Variants in TCF7L2 observed in about 807,000 individuals in gnomAD.
TCF7L2 encodes the protein transcription factor 7-like 2.
A neutral mutation model predicts 77.9 loss-of-function variants in TCF7L2; 23 were observed. The ratio of observed to expected loss-of-function variants is 0.30; its 90% CI spans 0.21 to 0.42. TCF7L2 has a LOEUF of 0.42. Ranked by LOEUF, TCF7L2 falls within the 10% of genes least tolerant of loss-of-function variation. The pLI, the probability that TCF7L2 is intolerant of heterozygous loss-of-function variation, is 1.00. For missense variants in TCF7L2, 654 were observed against 793.1 expected, an observed-to-expected ratio of 0.82 and a Z score of 2.11; for synonymous variants, 413 against 340.2, an observed-to-expected ratio of 1.21 and a Z score of -2.36.
intron 5 of TCF7L2, among the ~76,000 whole-genome samples, chr10:113,140,877 G>A (rs890314836): frequency 1.3e-5 from 2 of 152,230 alleles, no homozygotes; most frequent in African/African-American, 4.8e-5. Flanking sequence ...CTCCACTTCT[G>A]ACTCACCTGC....
chr10:113,091,824 G>C (rs1460326700), intron 5 of TCF7L2, among the ~76,000 whole-genome samples: 1 of 152,220 alleles, frequency 6.6e-6, no homozygotes, highest in Non-Finnish European at 1.5e-5. Context: ...TGGAGCTGCT[G>C]TCTGTGTGTT....
intron 13 of TCF7L2, among the ~76,000 whole-genome samples, chr10:113,164,758 T>C (rs1023328186): frequency 2.0e-5 from 3 of 152,122 alleles, no homozygotes; most frequent in African/African-American, 4.8e-5. Context: ...TGGTTTCTTT[T>C]TTTTGTTTCG....
At chr10:112,955,290 ATC>A (rs778629557) in intron 3 of TCF7L2, among the ~76,000 whole-genome samples, 1 of 152,204 alleles carries the variant, frequency 6.6e-6, no homozygotes, top group Non-Finnish European at 1.5e-5. Context: ...ATTGTTTTTC[ATC>A]TCCTTCAGAA....
intron 4 of TCF7L2, among the ~76,000 whole-genome samples, chr10:112,993,005 C>T (rs2042852749): frequency 6.6e-6 from 1 of 151,930 alleles, no homozygotes; most frequent in African/African-American, 2.4e-5. Flanking sequence ...CCTCATAATC[C>T]ACCCGCCTCG....
At chr10:112,986,876 C>A (rs1413114543) in intron 4 of TCF7L2, among the ~76,000 whole-genome samples, 1 of 152,076 alleles carries the variant, frequency 6.6e-6, no homozygotes, top group Admixed American at 6.6e-5. Context: ...AATACCTGGA[C>A]CTGAACAAGT....
chr10:113,135,716 C>T (rs563869313), intron 5 of TCF7L2, among the ~76,000 whole-genome samples: 64 of 152,330 alleles, frequency 4.2e-4, no homozygotes, highest in Non-Finnish European at 7.6e-4. Flanking sequence ...CCCCTTCCAT[C>T]CCCAGTCTTC....
At chr10:112,952,926 C>T (rs1195523497) in intron 3 of TCF7L2, among the ~76,000 whole-genome samples, 1 of 151,888 alleles carries the variant, frequency 6.6e-6, no homozygotes, top group East Asian at 1.9e-4. Context: ...ACGCAAGACG[C>T]ATTTGTGCCC....
rs2137655450 is a variant in TCF7L2, at chr10:113,165,860, C to T, written c.1697C>T (p.Ala566Val). 3.1e-6 allele frequency: 5 copies of T among 1,607,164 alleles called. No homozygotes were observed. Among genetic ancestry groups the T allele is most frequent in the Non-Finnish European group, 4.3e-6 (5 of 1,175,750 alleles). ...CTGCCCCCAGCCGCTTTGCAGCCTG[C>T]CGCCCCCTCCTCATCAATTGCACAG... is the stretch of plus-strand genomic sequence containing the variant. The change falls in exon 14 of 14, where the codon GCC becomes GTC. Residue 566 changes from alanine (A) to valine (V), a missense_variant. This residue lies in a region of TCF7L2 where 272 missense variants were observed against 215.4 expected (regional missense o/e 1.26). Transcript: ENST00000627217.
chr10:113,051,709 T>C (rs2054509509), intron 5 of TCF7L2, among the ~76,000 whole-genome samples: 1 of 152,228 alleles, frequency 6.6e-6, no homozygotes. Context: ...CATGATTCTG[T>C]CCTGTGGTTC....
chr10:113,120,679 G>C (rs1224812019), intron 5 of TCF7L2, among the ~76,000 whole-genome samples: 2 of 152,056 alleles, frequency 1.3e-5, no homozygotes, highest in African/African-American at 2.4e-5. Flanking sequence ...GAGTTGCACC[G>C]AGCACAAGAA....
intron 4 of TCF7L2, among the ~76,000 whole-genome samples, chr10:112,978,164 T>G: frequency 6.6e-6 from 1 of 152,198 alleles, no homozygotes; most frequent in Non-Finnish European, 1.5e-5. Flanking sequence ...TGGAAAACAG[T>G]TAAGAGGGAT....
At chr10:112,993,705 G>A (rs2042993899) in intron 4 of TCF7L2, among the ~76,000 whole-genome samples, 1 of 152,138 alleles carries the variant, frequency 6.6e-6, no homozygotes, top group African/African-American at 2.4e-5. Flanking sequence ...GGGCAAAAAC[G>A]ACACCTCTTG....
intron 4 of TCF7L2, among the ~76,000 whole-genome samples, chr10:113,014,679 G>C (rs1264976867): frequency 2.6e-5 from 4 of 152,134 alleles, no homozygotes; most frequent in Non-Finnish European, 5.9e-5. Flanking sequence ...CACCTACTCG[G>C]GAGGCTGAGG....
At chr10:113,090,460 A>T (rs1231673377) in intron 5 of TCF7L2, among the ~76,000 whole-genome samples, 1 of 152,232 alleles carries the variant, frequency 6.6e-6, no homozygotes, top group Non-Finnish European at 1.5e-5. Context: ...TATGTACATA[A>T]GTCTTGCTGT....
At chr10:113,070,266 A>ATTTTT (rs953072031) in intron 5 of TCF7L2, among the ~76,000 whole-genome samples, 40 of 96,442 alleles carry the variant, frequency 4.1e-4, no homozygotes, top group Admixed American at 7.0e-4. Context: ...AAAAAAAAAA[A>ATTTTT]ATTTATATAT....
chr10:113,085,695 A>G lies in TCF7L2; in HGVS notation c.552+45569A>G, dbSNP rs1253431236. 7.9e-5 allele frequency among the ~76,000 whole-genome samples: 12 copies of G among 152,194 alleles called. No individual in the cohort carries two copies. The East Asian group carries it at 2.3e-3, about 29-fold the overall frequency. On this transcript the variant is annotated intron_variant, in intron 5 of 13. Transcript: ENST00000627217. ...TCAGATCTGGTTAGCACACATTGAC[A>G]TCAGGGGCTGAGCCACCAGTGAGAG...
chr10:113,029,851 A>C (rs2049914799), intron 4 of TCF7L2, among the ~76,000 whole-genome samples: 1 of 152,016 alleles, frequency 6.6e-6, no homozygotes, highest in South Asian at 2.1e-4. Context: ...TTTATCTCTT[A>C]AATGAATGTG....
At chr10:113,120,251 T>C (rs1315819826) in intron 5 of TCF7L2, among the ~76,000 whole-genome samples, 1 of 152,214 alleles carries the variant, frequency 6.6e-6, no homozygotes, top group Non-Finnish European at 1.5e-5. Context: ...GTGTTTAAAG[T>C]ATGAAAATTA....
chr10:113,122,706 A>G (rs1294374697), intron 5 of TCF7L2, among the ~76,000 whole-genome samples: 1 of 152,244 alleles, frequency 6.6e-6, no homozygotes, highest in Non-Finnish European at 1.5e-5. Flanking sequence ...GGAAAGGAGA[A>G]TTATAGCAAT....
Sources: gnomAD v4.1 joint callset for allele counts (sites outside exome capture counted in the v4.1 genomes callset) on GRCh38, gnomAD v4.1.1 for gene constraint, gnomAD v4.1.1 regional missense constraint, MANE v1.5 for transcripts, NCBI Gene and HGNC (gene_info 2026-07-23, HGNC 2026-07-21) for gene names.